PATJ: variants seen among roughly 807,000 people sequenced by gnomAD.
PATJ encodes inaD-like protein.
A neutral mutation model predicts 224.9 loss-of-function variants in PATJ; 190 were observed. That is an observed-to-expected ratio of 0.84 (90% CI 0.75 to 0.95). The LOEUF (loss-of-function observed/expected upper bound fraction) is 0.95, where lower values mean the gene tolerates loss of function less well. PATJ is among the 40% of genes least tolerant of loss of function. PATJ has a pLI of 0.00. For missense variants in PATJ, 2,121 were observed against 2,270.3 expected (o/e 0.93, Z 1.34); for synonymous variants, 769 against 820.3 (o/e 0.94, Z 1.07).
intron 17 of PATJ, among the ~76,000 whole-genome samples, chr1:61,839,527 C>A (rs1401950017): frequency 6.6e-6 from 1 of 151,164 alleles, no homozygotes; most frequent in Non-Finnish European, 1.5e-5. Context: ...TAATTTCTAC[C>A]AAAAAGCTTG....
chr1:61,804,745 A>T (rs1053525833), intron 12 of PATJ, among the ~76,000 whole-genome samples: 7 of 152,224 alleles, frequency 4.6e-5, no homozygotes. Context: ...TGTGGAGGAC[A>T]GGCAAGACAC....
intron 37 of PATJ, chr1:62,120,931 A>G: frequency 4.8e-6 from 2 of 413,656 alleles, no homozygotes; most frequent in Non-Finnish European, 8.5e-6. Context: ...TATGGTCTCC[A>G]CCTTGGTGAT....
intron 28 of PATJ, among the ~76,000 whole-genome samples, chr1:62,010,928 G>A (rs931463718): frequency 6.6e-6 from 1 of 152,146 alleles, no homozygotes; most frequent in Non-Finnish European, 1.5e-5. Flanking sequence ...GCTTCTCCTT[G>A]CATTTTATGA....
intron 19 of PATJ, among the ~76,000 whole-genome samples, chr1:61,862,517 C>T (rs190292445): frequency 1.3e-5 from 2 of 152,064 alleles, no homozygotes; most frequent in Admixed American, 6.6e-5. Context: ...AAACTAAATT[C>T]TTTCCTTCCA....
At chr1:61,910,584 G>C (rs1001373561) in intron 25 of PATJ, among the ~76,000 whole-genome samples, 3 of 60,844 alleles carry the variant, frequency 4.9e-5, no homozygotes, top group Admixed American at 2.8e-4. Context: ...GTCTTATTCT[G>C]TCACCCAGGC....
chr1:61,929,158 G>T (rs986598694), intron 27 of PATJ, among the ~76,000 whole-genome samples: 1 of 152,162 alleles, frequency 6.6e-6, no homozygotes, highest in African/African-American at 2.4e-5. Context: ...ATATTTCCTT[G>T]TTCTGATATA....
In PATJ at chr1:61,746,696, C is replaced by G. The variant is rs189425755; in HGVS notation, c.-36+4141C>G. 4.5e-4 allele frequency among the ~76,000 whole-genome samples: 69 copies of G among 152,076 alleles called. 2 individuals are homozygous for G. The Middle Eastern group carries it at 0.02, about 45-fold the overall frequency. On this transcript the variant is annotated intron_variant, in intron 1 of 43. Transcript: ENST00000642238. ...AGCTCTATTCTGCATTTAATGAAAC[C>G]GTAATAAGTTTAAGCCATACATTAA...
At chr1:62,141,259 C>A (rs753960283) in intron 41 of PATJ, among the ~76,000 whole-genome samples, 1 of 152,204 alleles carries the variant, frequency 6.6e-6, no homozygotes, top group Admixed American at 6.5e-5. Context: ...GGCTTTACCC[C>A]TTACTACCTG....
At chr1:61,782,893 G>T (rs1477565524) in intron 7 of PATJ, among the ~76,000 whole-genome samples, 1 of 152,180 alleles carries the variant, frequency 6.6e-6, no homozygotes, top group Non-Finnish European at 1.5e-5. Flanking sequence ...GTCTGGCGAA[G>T]TTCTAGGGCG....
At chr1:61,748,760 G>A (rs1645164739) in intron 1 of PATJ, among the ~76,000 whole-genome samples, 1 of 151,766 alleles carries the variant, frequency 6.6e-6, no homozygotes. Flanking sequence ...CTGGGCACAA[G>A]GGTTCCTCCC....
intron 17 of PATJ, chr1:61,846,314 T>G (rs1557748469): frequency 6.6e-6 from 1 of 152,180 alleles, no homozygotes; most frequent in Non-Finnish European, 1.5e-5. Flanking sequence ...ATTCGGCTAG[T>G]ATTTGTGCTT....
intron 27 of PATJ, among the ~76,000 whole-genome samples, chr1:61,969,733 G>A (rs1012796665): frequency 1.7e-4 from 26 of 152,078 alleles, no homozygotes; most frequent in African/African-American, 5.8e-4. Context: ...TCCCTCTGTC[G>A]CTCAGGCTGG....
rs572805034 is a variant in PATJ at position 61,850,803 on chromosome 1, A to T, written c.2113-5227A>T. On this transcript the variant is annotated intron_variant, in intron 17 of 43. Coordinates refer to ENST00000642238, the MANE Select transcript of PATJ (RefSeq NM_001350145.3). ...CCAGGAAAGTGGGGATAATGTTGGT[A>T]CATACCTACCTCATGATGGTGTGAG... Among the ~76,000 whole-genome samples the T allele has an allele frequency of 8.3e-4, 126 of 152,336 alleles. 2 individuals are homozygous for T. The Middle Eastern group carries it at 0.01, about 12-fold the overall frequency.
rs866752216 is a variant in PATJ at position 62,103,194 on chromosome 1, A to G, written c.4378-5243A>G. Among the ~76,000 whole-genome samples the G allele has an allele frequency of 8.5e-5, 13 of 152,310 alleles. No individual in the cohort carries two copies. In the Middle Eastern group the frequency reaches 0.014, roughly 159 times the overall value. ...GTACAAGTACAAAATCAAATATTCA[A>G]AACAGATGAGAAGCTTACTATCGTG... On this transcript the variant is annotated intron_variant, in intron 33 of 43. Transcript: ENST00000642238.
At chr1:62,136,205 T>G (rs1666850312) in intron 41 of PATJ, among the ~76,000 whole-genome samples, 1 of 151,818 alleles carries the variant, frequency 6.6e-6, no homozygotes, top group African/African-American at 2.4e-5. Flanking sequence ...GCTAATTTTG[T>G]GTTTTTTGTA....
intron 1 of PATJ, among the ~76,000 whole-genome samples, chr1:61,752,819 T>G (rs1645410845): frequency 6.7e-6 from 1 of 149,306 alleles, no homozygotes; most frequent in Non-Finnish European, 1.5e-5. Context: ...TTCTGGAATT[T>G]ATATATGTTT....
intron 9 of PATJ, among the ~76,000 whole-genome samples, chr1:61,792,669 A>G (rs1247835132): frequency 2.6e-5 from 4 of 151,884 alleles, no homozygotes; most frequent in Non-Finnish European, 5.9e-5. Context: ...AGCTGGGAGT[A>G]CAGGCATACA....
intron 17 of PATJ, among the ~76,000 whole-genome samples, chr1:61,839,176 T>C (rs193057875): frequency 7.9e-5 from 12 of 152,264 alleles, no homozygotes; most frequent in African/African-American, 2.9e-4. Flanking sequence ...ACTATACTGC[T>C]CTTTCCTTTG....
At chr1:61,776,101 C>T (rs1240254214) in intron 7 of PATJ, among the ~76,000 whole-genome samples, 1 of 152,218 alleles carries the variant, frequency 6.6e-6, no homozygotes, top group Admixed American at 6.5e-5. Context: ...AGCTTCAAGG[C>T]AAGTTCCTTG....
Sources: gnomAD v4.1 joint callset for allele counts (sites outside exome capture counted in the v4.1 genomes callset) on GRCh38, gnomAD v4.1.1 for gene constraint, MANE v1.5 for transcripts, NCBI Gene and HGNC (gene_info 2026-07-23, HGNC 2026-07-21) for gene names.